The following SSU72 variants were observed in gnomAD, a reference collection of about 807,000 sequenced individuals.
SSU72 encodes RNA polymerase II subunit A C-terminal domain phosphatase SSU72.
A neutral mutation model predicts 22.7 loss-of-function variants in SSU72; 12 were observed. The observed-to-expected ratio is 0.53, with a 90% confidence interval of 0.34 to 0.86. The LOEUF (loss-of-function observed/expected upper bound fraction) is 0.86. SSU72 is among the 40% of genes least tolerant of loss of function. SSU72 has a pLI of 0.02. For missense variants in SSU72, 151 were observed against 249.8 expected (o/e 0.60, Z 2.67); for synonymous variants, 116 against 98.3 (o/e 1.18, Z -1.06).
Position 1,555,502 on chromosome 1 carries a change from G to A in SSU72, c.224+9271C>T, listed in dbSNP as rs954777216. 6.6e-5 allele frequency among the ~76,000 whole-genome samples: 10 copies of A among 152,172 alleles called. No homozygotes were observed. The East Asian group carries it at 7.7e-4, about 12-fold the overall frequency. On this transcript the variant is annotated intron_variant, in intron 2 of 4. Transcript: ENST00000291386. ...GGCAGGCATGTCTGGAGGGAGTGTCGTGCATGTGGGTGACAAGAACAGCCG... is the reference window on the plus strand; with the variant it reads ...GGCAGGCATGTCTGGAGGGAGTGTCATGCATGTGGGTGACAAGAACAGCCG...
At chr1:1,569,456 T>C (rs949991282) in intron 1 of SSU72, among the ~76,000 whole-genome samples, 61 of 152,226 alleles carry the variant, frequency 4.0e-4, no homozygotes, top group African/African-American at 1.4e-3. Flanking sequence ...ATCAGGAAAA[T>C]AGAGTCCACG....
chr1:1,571,242 C>CT (rs1557507501), intron 1 of SSU72, among the ~76,000 whole-genome samples: 2 of 52,018 alleles, frequency 3.8e-5, no homozygotes, highest in African/African-American at 7.2e-5. Context: ...GAGACTCCAT[C>CT]TCAAAAAAAA....
chr1:1,543,426 G>T (rs1642349241), intron 4 of SSU72, among the ~76,000 whole-genome samples: 1 of 152,232 alleles, frequency 6.6e-6, no homozygotes. Context: ...CTAAGCCTGT[G>T]TTGGGGAGGT....
intron 1 of SSU72, among the ~76,000 whole-genome samples, chr1:1,565,297 C>T (rs994766899): frequency 1.4e-4 from 21 of 152,146 alleles, no homozygotes; most frequent in African/African-American, 2.4e-5. Flanking sequence ...GGCGTGAACC[C>T]GGGAGGCGGA....
intron 2 of SSU72, among the ~76,000 whole-genome samples, chr1:1,555,230 C>T (rs1026100246): frequency 2.0e-5 from 3 of 152,180 alleles, no homozygotes; most frequent in African/African-American, 7.2e-5. Flanking sequence ...TGGGTCAATC[C>T]GTTTCCATGG....
At chr1:1,556,248 C>T (rs572137487) in intron 2 of SSU72, among the ~76,000 whole-genome samples, 14 of 152,308 alleles carry the variant, frequency 9.2e-5, no homozygotes, top group East Asian at 3.9e-4. Flanking sequence ...CTGGCTAACA[C>T]GGTGAAACTC....
rs1642338752 is a variant in SSU72 at position 1,542,743 on chromosome 1, C to T, written c.484-576G>A. Among the ~76,000 whole-genome samples, 1 of 152,116 alleles carries T rather than the reference C, an allele frequency of 6.6e-6. No homozygotes were observed. The highest frequency in any genetic ancestry group is 1.5e-5 in the Non-Finnish European group (1 of 68,028). ...AAGGAGCGGCCTGTCTGTGACTCAG[C>T]TCTGGCCAACGTGACCCAAGCAGAA... On this transcript the variant is annotated intron_variant, in intron 4 of 4. Transcript: ENST00000291386. The surrounding 1 kb of genome is among the most constrained non-coding windows in gnomAD (Gnocchi z 4.4).
At chr1:1,573,429 CAAAA>C (rs56930035) in intron 1 of SSU72, among the ~76,000 whole-genome samples, 767 of 107,152 alleles carry the variant, frequency 7.2e-3, no homozygotes, top group Non-Finnish European at 0.013. Context: ...GACTCTGTCT[CAAAA>C]AAAAAAAAAA....
intron 1 of SSU72, among the ~76,000 whole-genome samples, chr1:1,565,483 A>G (rs1272308205): frequency 6.6e-6 from 1 of 152,218 alleles, no homozygotes; most frequent in African/African-American, 2.4e-5. Flanking sequence ...CTTGGGGAAG[A>G]TTTCATCAGA....
Position 1,568,421 on chromosome 1 carries a change from G to A in SSU72, c.81-3505C>T, listed in dbSNP as rs991533014. On this transcript the variant is annotated intron_variant, in intron 1 of 4. Coordinates refer to ENST00000291386, the MANE Select transcript of SSU72 (RefSeq NM_014188.3). ...AGCCTGGCCAACATGACAAAACCCCGTCTCTACTTTAAAAAAAAAATAAAA... is the reference window on the plus strand; with the variant it reads ...AGCCTGGCCAACATGACAAAACCCCATCTCTACTTTAAAAAAAAAATAAAA... Among the ~76,000 whole-genome samples the A allele has an allele frequency of 2.0e-5, 3 of 151,716 alleles. No individual in the cohort carries two copies. The South Asian group carries it at 6.2e-4, about 31-fold the overall frequency.
chr1:1,573,265 C>CACAA (rs1469572181), intron 1 of SSU72, among the ~76,000 whole-genome samples: 8 of 131,304 alleles, frequency 6.1e-5, no homozygotes, highest in African/African-American at 2.2e-4. Flanking sequence ...ACTAAAAATA[C>CACAA]AAAAAAAAAA....
chr1:1,542,194 C>T lies in SSU72; in HGVS notation c.484-27G>A. ...TGCAAGGACAGGACCGTGGTGAGGG[C>T]CTTGCCCACTCCTGCCTGTCTGCTC... On this transcript the variant is annotated intron_variant, in intron 4 of 4. Transcript: ENST00000291386. The surrounding 1 kb of genome is among the most constrained non-coding windows in gnomAD (Gnocchi z 4.4). 1.9e-6 allele frequency: 3 copies of T among 1,557,074 alleles called. No homozygotes were observed. The highest frequency in any genetic ancestry group is 2.6e-6 in the Non-Finnish European group (3 of 1,148,696).
In SSU72 at chr1:1,554,322, C is replaced by A. The variant is rs1276093728; in HGVS notation, c.225-9320G>T. On this transcript the variant is annotated intron_variant, in intron 2 of 4. Coordinates refer to ENST00000291386, the MANE Select transcript of SSU72 (RefSeq NM_014188.3). The surrounding 1 kb of genome is among the most constrained non-coding windows in gnomAD (Gnocchi z 4.1). ...GGACCACTCGGGGGTCCCCACGAAG[C>A]TGAGCATGAGGCGGATCCGGACCAC... Among the ~76,000 whole-genome samples the A allele has an allele frequency of 1.3e-5, 2 of 151,966 alleles. No individual in the cohort carries two copies. The highest frequency in any genetic ancestry group is 2.4e-5 in the African/African-American group (1 of 41,364).
chr1:1,555,174 C>T (rs1173226544), intron 2 of SSU72, among the ~76,000 whole-genome samples: 1 of 152,118 alleles, frequency 6.6e-6, no homozygotes, highest in Non-Finnish European at 1.5e-5. Context: ...CAGAAGACTC[C>T]CCACATCAGA....
chr1:1,571,325 C>T (rs1484079274), intron 1 of SSU72, among the ~76,000 whole-genome samples: 2 of 135,556 alleles, frequency 1.5e-5, no homozygotes, highest in South Asian at 2.4e-4. Context: ...CCCAGCTACT[C>T]GGAGGGTTTG....
intron 1 of SSU72, among the ~76,000 whole-genome samples, chr1:1,566,351 A>G (rs1316371401): frequency 6.6e-6 from 1 of 152,248 alleles, no homozygotes; most frequent in African/African-American, 2.4e-5. Flanking sequence ...TAAAAAATAT[A>G]GACTTCTCAA....
At chr1:1,545,510 CA>C (rs1642379173) in intron 2 of SSU72, 1 of 154,436 alleles carries the variant, frequency 6.5e-6, no homozygotes, top group Admixed American at 6.5e-5. Context: ...TCGGAAAACC[CA>C]AAGAAAGGAA....
chr1:1,558,552 A>G (rs536633604), intron 2 of SSU72, among the ~76,000 whole-genome samples: 1 of 152,370 alleles, frequency 6.6e-6, no homozygotes, highest in Non-Finnish European at 1.5e-5. Context: ...CAACAGTCAC[A>G]TTAACATTTA....
At chr1:1,544,838 G>C in intron 3 of SSU72, 25 bp downstream of exon 3, 2 of 1,613,906 alleles carry the variant, frequency 1.2e-6, no homozygotes, top group Non-Finnish European at 1.7e-6. Flanking sequence ...CTGGAGCCCA[G>C]CCCAGCACGC....
Sources: gnomAD v4.1 joint callset for allele counts (sites outside exome capture counted in the v4.1 genomes callset) on GRCh38, gnomAD v4.1.1 for gene constraint, Gnocchi (gnomAD v3.1) non-coding constraint, MANE v1.5 for transcripts, NCBI Gene and HGNC (gene_info 2026-07-23, HGNC 2026-07-21) for gene names.